The following SWT1 variants were observed in gnomAD, a reference collection of about 807,000 sequenced individuals.
The protein encoded by SWT1 is transcriptional protein SWT1.
In SWT1, 33 loss-of-function variants were observed where a neutral mutation model predicts 107.3. That is an observed-to-expected ratio of 0.31 (90% CI 0.23 to 0.41). The LOEUF is 0.41. Among genes scored for constraint, SWT1 ranks in the 10% least tolerant of loss-of-function variants. The pLI, the probability that SWT1 is intolerant of heterozygous loss-of-function variation, is 1.00. For missense variants in SWT1, 898 were observed against 1,028.9 expected, an observed-to-expected ratio of 0.87 and a Z score of 1.74; for synonymous variants, 345 against 348.3, an observed-to-expected ratio of 0.99 and a Z score of 0.11.
intron 14 of SWT1, among the ~76,000 whole-genome samples, chr1:185,219,748 T>C (rs1659495084): frequency 6.6e-6 from 1 of 152,182 alleles, no homozygotes; most frequent in African/African-American, 2.4e-5. Flanking sequence ...TGCTTTAAAC[T>C]ATGCTTAGAT....
rs772609070 is a variant in SWT1 at position 185,214,590 on chromosome 1, A to G, written c.2056A>G (p.Asn686Asp). ...SLLHAFSTRS[N>D]YDGILPQTFA... is the part of the protein sequence containing the mutation. Reference sequence around the variant, plus strand: ...GTTACATGCTTTCAGTACAAGGTCAAATTATGATGGTATTCTTCCACAGAC... The same window carrying G: ...GTTACATGCTTTCAGTACAAGGTCAGATTATGATGGTATTCTTCCACAGAC... Residue 686 changes from asparagine (N) to aspartate (D), a missense_variant, in exon 14 of 19, where the codon AAT (asparagine) becomes GAT (aspartate). Around this residue, in one of 6 missense-constraint regions of SWT1, gnomAD observed 382 missense variants for 460.0 expected, o/e 0.83. Transcript: ENST00000367500. 3.4e-5 allele frequency: 55 copies of G among 1,612,900 alleles called. No individual in the cohort carries two copies. The South Asian group carries it at 5.9e-4, about 17-fold the overall frequency.
In SWT1 at chr1:185,180,405, A is replaced by G. The variant is rs954212383; in HGVS notation, c.981A>G (p.Pro327=). The G allele has an allele frequency of 3.1e-6, 5 of 1,613,322 alleles. No homozygotes were observed. In the African/African-American group the frequency reaches 4.0e-5, roughly 13 times the overall value. ...TTTCATTTCAGAGTTTTGAAGCACCATGTTGTTCCGTGTCATCTGAAAGTA... is the reference window on the plus strand; with the variant it reads ...TTTCATTTCAGAGTTTTGAAGCACCGTGTTGTTCCGTGTCATCTGAAAGTA... ...RENLTQSFEA[P]CCSVSSESIQ... is the part of the protein sequence containing the mutation. The change falls in exon 6 of 19, where the codon CCA becomes CCG. Residue 327 remains proline (P), a synonymous_variant. Transcript: ENST00000367500.
chr1:185,190,068 G>A (rs908926486), intron 9 of SWT1, among the ~76,000 whole-genome samples: 5 of 152,008 alleles, frequency 3.3e-5, no homozygotes, highest in African/African-American at 9.7e-5. Context: ...GGCCGGTCTC[G>A]AACTCCTGAC....
intron 9 of SWT1, 54 bp downstream of exon 9, chr1:185,184,985 C>A: frequency 8.1e-7 from 1 of 1,239,392 alleles, no homozygotes; most frequent in Non-Finnish European, 1.1e-6. Flanking sequence ...TGGGTGCAGA[C>A]TCATTATTGG....
chr1:185,168,547 T>C (rs1654788053), intron 4 of SWT1, 149 bp downstream of exon 4: 1 of 332,882 alleles, frequency 3.0e-6, no homozygotes, highest in East Asian at 6.1e-5. Context: ...TATAGAATTG[T>C]CTTAATATTA....
chr1:185,174,342 T>G lies in SWT1; in HGVS notation c.225-30T>G, dbSNP rs577487095. 4.7e-6 allele frequency: 7 copies of G among 1,498,074 alleles called. No homozygotes were observed. In the South Asian group the frequency reaches 7.2e-5, roughly 15 times the overall value. The allele number at this position is 1,498,074 out of a possible 1,614,324, so 92.8% of individuals were successfully genotyped here. Reference sequence around the variant, plus strand: ...AGTGCAACATTATGTATAATTATAATGTAACCTAGGTTTCTGTGCTGTTTT... The same window carrying G: ...AGTGCAACATTATGTATAATTATAAGGTAACCTAGGTTTCTGTGCTGTTTT... On this transcript the variant is annotated intron_variant, in intron 4 of 18. Coordinates refer to ENST00000367500, the MANE Select transcript of SWT1 (RefSeq NM_017673.7).
chr1:185,281,574 G>A (rs1571706564), intron 18 of SWT1: 1 of 236,202 alleles, frequency 4.2e-6, no homozygotes, highest in Non-Finnish European at 8.6e-6. Flanking sequence ...CCAGATGTCA[G>A]CCCTGATGAG....
chr1:185,227,523 A>G (rs1660163202), intron 15 of SWT1: 1 of 537,874 alleles, frequency 1.9e-6, no homozygotes, highest in Admixed American at 2.3e-5. Flanking sequence ...GACAAATGAT[A>G]TCTCTGTTTG....
intron 13 of SWT1, among the ~76,000 whole-genome samples, chr1:185,210,725 T>C (rs1435429300): frequency 7.2e-5 from 11 of 152,008 alleles, no homozygotes; most frequent in African/African-American, 2.7e-4. Flanking sequence ...ATAAATACAG[T>C]GTATTCAGTT....
chr1:185,286,788 T>C (rs2102788673), intron 18 of SWT1, among the ~76,000 whole-genome samples: 1 of 152,276 alleles, frequency 6.6e-6, no homozygotes, highest in Admixed American at 6.5e-5. Context: ...TTTTATTTCT[T>C]ATTCATGCCT....
Position 185,204,854 on chromosome 1 carries a change from T to C in SWT1, c.1824T>C (p.Leu608=). The change falls in exon 12 of 19, where the codon CTT becomes CTC. Residue 608 remains leucine (L), a synonymous_variant. Transcript: ENST00000367500. ...AAATGAAAATTGCTTTTGGAAACCTTTGGATGGAGGTGATTAGTTGAACTC... is the reference window on the plus strand; with the variant it reads ...AAATGAAAATTGCTTTTGGAAACCTCTGGATGGAGGTGATTAGTTGAACTC... ...ETEMKIAFGN[L]WMEILYLKPP... 6.4e-7 allele frequency: 1 copy of C among 1,572,234 alleles called. No individual in the cohort carries two copies. Among genetic ancestry groups the C allele is most frequent in the Non-Finnish European group, 8.6e-7 (1 of 1,162,330 alleles).
intron 16 of SWT1, among the ~76,000 whole-genome samples, chr1:185,261,691 ATAG>A (rs1420728089): frequency 6.7e-6 from 1 of 150,314 alleles, no homozygotes; most frequent in African/African-American, 2.4e-5. Flanking sequence ...TTTTTTTTAA[ATAG>A]TAGTCATCCT....
intron 9 of SWT1, among the ~76,000 whole-genome samples, chr1:185,188,130 G>T (rs1344893856): frequency 2.0e-5 from 3 of 152,156 alleles, no homozygotes; most frequent in Admixed American, 1.3e-4. Flanking sequence ...CCTAGTAAGT[G>T]GGAAAACAAG....
intron 7 of SWT1, among the ~76,000 whole-genome samples, chr1:185,183,276 GT>G (rs1359944420): frequency 4.0e-5 from 6 of 151,212 alleles, no homozygotes; most frequent in Non-Finnish European, 7.4e-5. Flanking sequence ...TTCTTTTTTT[GT>G]TTGTTTGTGG....
intron 17 of SWT1, among the ~76,000 whole-genome samples, chr1:185,273,042 A>G (rs1389602355): frequency 1.3e-5 from 2 of 151,684 alleles, no homozygotes; most frequent in African/African-American, 4.8e-5. Flanking sequence ...CAAAAAAAAA[A>G]AGGGGGAGGG....
rs1655407068 is a variant in SWT1 at position 185,174,910 on chromosome 1, A to G, written c.763A>G (p.Ile255Val). The change falls in exon 5 of 19, where the codon ATA becomes GTA. Residue 255 changes from isoleucine to valine, a missense_variant. Physicochemically the swap from Ile to Val is conservative, Grantham distance 29. Coordinates refer to ENST00000367500, the MANE Select transcript of SWT1 (RefSeq NM_017673.7). ...QKLVEENVFN[I>V]DSNNSKTKQE... ...ACTTGTAGAAGAAAATGTCTTCAAC[A>G]TAGATTCTAATAATTCGAAGACTAA... is the stretch of plus-strand genomic sequence containing the variant. The G allele has an allele frequency of 6.2e-7, 1 of 1,614,046 alleles. No homozygotes were observed. Among genetic ancestry groups the G allele is most frequent in the Non-Finnish European group, 8.5e-7 (1 of 1,179,974 alleles).
chr1:185,244,355 G>C (rs889083902), intron 16 of SWT1, among the ~76,000 whole-genome samples: 1 of 152,138 alleles, frequency 6.6e-6, no homozygotes, highest in East Asian at 1.9e-4. Flanking sequence ...TAAATGGCCT[G>C]TTGCTGCTGG....
chr1:185,290,723 A>G lies in SWT1; in HGVS notation c.2623A>G (p.Met875Val). Residue 875 changes from methionine (M) to valine (V), a missense_variant, in exon 19 of 19, where the codon ATG (methionine) becomes GTG (valine). By Grantham distance (21) the Met-to-Val change is conservative. This residue lies in a region of SWT1 where 382 missense variants were observed against 460.0 expected (regional missense o/e 0.83). Coordinates refer to ENST00000367500, the MANE Select transcript of SWT1 (RefSeq NM_017673.7). Reference sequence around the variant, plus strand: ...CCAGCTGGTTGAGATGGAATATACCATGCAGCAGTGCAATGCATCTGTTTA... The same window carrying G: ...CCAGCTGGTTGAGATGGAATATACCGTGCAGCAGTGCAATGCATCTGTTTA... ...CRQLVEMEYT[M>V]QQCNASVYME... 1 of 1,609,850 alleles carries G rather than the reference A, an allele frequency of 6.2e-7. No individual in the cohort carries two copies. Among genetic ancestry groups the G allele is most frequent in the South Asian group, 1.1e-5 (1 of 90,606 alleles).
rs1347209578 is a variant in SWT1, at chr1:185,174,891, A to G, written c.744A>G (p.Val248=). ...IKSRDTLQKL[V]EENVFNIDSN... The stretch of plus-strand genomic sequence containing the variant: ...CCCGTGACACCCTCCAGAAACTTGT[A>G]GAAGAAAATGTCTTCAACATAGATT... Residue 248 remains valine, a synonymous_variant, in exon 5 of 19, where the codon GTA becomes GTG. Transcript: ENST00000367500. 8.7e-6 allele frequency: 14 copies of G among 1,613,970 alleles called. No homozygotes were observed. In the South Asian group the frequency reaches 1.2e-4, roughly 14 times the overall value.
Sources: allele counts gnomAD v4.1 joint callset (sites outside exome capture counted in the v4.1 genomes callset), GRCh38; gene constraint gnomAD v4.1.1; regional missense constraint gnomAD v4.1.1; transcripts MANE v1.5; gene names NCBI Gene and HGNC (gene_info 2026-07-23, HGNC 2026-07-21).